The following EPM2A variants were observed in gnomAD, a reference collection of about 807,000 sequenced individuals.
The protein encoded by EPM2A is EPM2A glucan phosphatase, laforin.
A neutral mutation model predicts 26.5 loss-of-function variants in EPM2A; 21 were observed. The observed-to-expected ratio is 0.79, with a 90% CI of 0.56 to 1.14. The LOEUF is 1.14. EPM2A is among the 50% of genes most tolerant of loss of function. The probability of loss-of-function intolerance (pLI) is 0.00; values close to 1 mark genes in which losing one functional copy is unlikely to be tolerated. For synonymous variants in EPM2A, 217 were observed against 177.6 expected (o/e 1.22, Z -1.76); for missense variants, 458 against 440.8 (o/e 1.04, Z -0.35).
At chr6:145,439,117 T>C (rs1037529081) in intron 4 of EPM2A, among the ~76,000 whole-genome samples, 9 of 151,542 alleles carry the variant, frequency 5.9e-5, no homozygotes, top group African/African-American at 2.2e-4. Flanking sequence ...TCCAGTTCCA[T>C]CCATGTTTCT....
chr6:145,466,785 T>G (rs1471068862), intron 4 of EPM2A, among the ~76,000 whole-genome samples: 1 of 152,090 alleles, frequency 6.6e-6, no homozygotes, highest in Non-Finnish European at 1.5e-5. Flanking sequence ...AAATGTGGCA[T>G]ATATACACCA....
intron 1 of EPM2A, among the ~76,000 whole-genome samples, chr6:145,727,600 AT>A (rs1212975356): frequency 2.0e-5 from 3 of 152,198 alleles, no homozygotes; most frequent in Non-Finnish European, 4.4e-5. Context: ...ATTGCAGGAT[AT>A]AAAAGAATGA....
At chr6:145,486,904 A>G (rs1379321060) in intron 4 of EPM2A, among the ~76,000 whole-genome samples, 1 of 152,058 alleles carries the variant, frequency 6.6e-6, no homozygotes, top group Admixed American at 6.6e-5. Context: ...ATAGGTAAAC[A>G]TGTGTCATGG....
rs71028352 is a variant in EPM2A, at chr6:145,495,310, AT to A, written c.555+7211del. Among the ~76,000 whole-genome samples the A allele has an allele frequency of 1.9e-3, 276 of 143,670 alleles. 1 individual carries two copies. The highest frequency in any genetic ancestry group is 5.8e-3 in the African/African-American group (221 of 38,214). 94.3% of individuals were successfully genotyped at this position (143,670 alleles called of 152,430 possible). On this transcript the variant is annotated intron_variant, in intron 4 of 4. Transcript: ENST00000638717. ...AAAAACTGGAATTGCAACCACTGGG[AT>A]TTTTTTTTTTTCTGTTTTCCATTTG...
At chr6:145,534,602 C>T (rs1388600067) in intron 2 of EPM2A, among the ~76,000 whole-genome samples, 4 of 152,218 alleles carry the variant, frequency 2.6e-5, no homozygotes, top group African/African-American at 9.6e-5. Context: ...AGCACGGGGG[C>T]CAGGTCCTCT....
chr6:145,632,367 T>A (rs1776330697), intron 3 of EPM2A: 1 of 152,180 alleles, frequency 6.6e-6, no homozygotes, highest in Admixed American at 6.5e-5. Flanking sequence ...ACATTTGTTA[T>A]AAATAGTGCT....
intron 2 of EPM2A, among the ~76,000 whole-genome samples, chr6:145,531,847 C>T (rs572080896): frequency 6.6e-6 from 1 of 152,190 alleles, no homozygotes; most frequent in East Asian, 1.9e-4. Context: ...CTTTTTTATT[C>T]TCTCACTGTG....
chr6:145,573,939 G>A (rs929767986), intron 2 of EPM2A, among the ~76,000 whole-genome samples: 7 of 152,166 alleles, frequency 4.6e-5, no homozygotes, highest in African/African-American at 1.7e-4. Context: ...TCAGCTCAGA[G>A]CCAGTGTCCA....
At chr6:145,567,305 A>G (rs7750382) in intron 2 of EPM2A, among the ~76,000 whole-genome samples, 10,222 of 152,260 alleles carry the variant, frequency 0.067, 1,152 homozygotes, top group African/African-American at 0.23. Context: ...CTGCTCCTCA[A>G]TCTTCCATAT....
chr6:145,602,430 A>G (rs1024882575), intron 2 of EPM2A, among the ~76,000 whole-genome samples: 6 of 152,214 alleles, frequency 3.9e-5, no homozygotes, highest in Admixed American at 6.5e-5. Context: ...GACTGGAAGA[A>G]TTTGCCCCAG....
chr6:145,687,492 TTAC>T (rs1464231817), intron 1 of EPM2A, among the ~76,000 whole-genome samples: 2 of 152,132 alleles, frequency 1.3e-5, no homozygotes, highest in South Asian at 2.1e-4. Context: ...TACATTATTT[TTAC>T]TACCTTTTTA....
rs1022098308 is a variant in EPM2A at position 145,707,421 on chromosome 6, C to T, written c.302-21125G>A. On this transcript the variant is annotated intron_variant, in intron 1 of 3. Transcript: ENST00000367519. Reference sequence around the variant, plus strand: ...TATTTTATAGGAACTAGGAAATCATCTGATATGGTTTGGCTGTGTCCTCAC... The same window carrying T: ...TATTTTATAGGAACTAGGAAATCATTTGATATGGTTTGGCTGTGTCCTCAC... Among the ~76,000 whole-genome samples the T allele has an allele frequency of 5.3e-5, 8 of 152,302 alleles. No homozygotes were observed. The South Asian group carries it at 8.3e-4, about 16-fold the overall frequency.
chr6:145,548,243 T>C (rs914383059), intron 2 of EPM2A, among the ~76,000 whole-genome samples: 1 of 152,178 alleles, frequency 6.6e-6, no homozygotes, highest in Non-Finnish European at 1.5e-5. Context: ...ACATCTATAA[T>C]ATTTTAATGA....
At chr6:145,408,571 C>T (rs1299952139) in intron 4 of EPM2A, among the ~76,000 whole-genome samples, 1 of 152,130 alleles carries the variant, frequency 6.6e-6, no homozygotes, top group African/African-American at 2.4e-5. Flanking sequence ...CTCAATGACC[C>T]ACTTAAGTGG....
chr6:145,699,425 T>C (rs1253759601), intron 1 of EPM2A, among the ~76,000 whole-genome samples: 1 of 152,082 alleles, frequency 6.6e-6, no homozygotes, highest in African/African-American at 2.4e-5. Flanking sequence ...AAAATTATGA[T>C]AGGTTTGTGG....
chr6:145,701,066 T>G (rs1781883042), intron 1 of EPM2A, among the ~76,000 whole-genome samples: 1 of 152,194 alleles, frequency 6.6e-6, no homozygotes, highest in Admixed American at 6.5e-5. Context: ...ATTGAGAAAC[T>G]AGGTTGTTTT....
intron 1 of EPM2A, 67 bp from the exon 2 acceptor site, chr6:145,686,363 G>C: frequency 7.8e-7 from 1 of 1,274,284 alleles, no homozygotes; most frequent in Non-Finnish European, 1.1e-6. Context: ...CCTCAAAGCA[G>C]CTGATACAAA....
chr6:145,608,839 A>C (rs1221393805), intron 2 of EPM2A, among the ~76,000 whole-genome samples: 1 of 152,248 alleles, frequency 6.6e-6, no homozygotes, highest in Non-Finnish European at 1.5e-5. Context: ...TGGGACAGAC[A>C]ACAGATAATC....
At chr6:145,624,342 T>G (rs1365554579), downstream of EPM2A, among the ~76,000 whole-genome samples, 1 of 152,204 alleles carries the variant, frequency 6.6e-6, no homozygotes, top group African/African-American at 2.4e-5. Flanking sequence ...CCTTTTCTTC[T>G]TTTGGAAAAG....
Sources: gnomAD v4.1 joint callset for allele counts (sites outside exome capture counted in the v4.1 genomes callset) on GRCh38, gnomAD v4.1.1 for gene constraint, MANE v1.5 for transcripts, NCBI Gene and HGNC (gene_info 2026-07-23, HGNC 2026-07-21) for gene names.